The following CEP170 variants were observed in gnomAD, a reference collection of about 807,000 sequenced individuals.
The protein encoded by CEP170 is centrosomal protein of 170 kDa.
In CEP170, 21 loss-of-function variants were observed where a neutral mutation model predicts 151.9. The observed-to-expected ratio is 0.14, with a 90% CI of 0.10 to 0.20. The LOEUF (loss-of-function observed/expected upper bound fraction) is 0.20. Among genes scored for constraint, CEP170 ranks in the 10% least tolerant of loss-of-function variants. The pLI is 1.00. For missense variants in CEP170, 964 were observed against 1,892.9 expected (o/e 0.51, Z 9.11); for synonymous variants, 356 against 648.8 (o/e 0.55, Z 6.86).
chr1:243,246,226 C>CA (rs2065380427), intron 1 of CEP170, among the ~76,000 whole-genome samples: 1 of 109,452 alleles, frequency 9.1e-6, no homozygotes, highest in Admixed American at 9.5e-5. Context: ...GTGTTGTTTA[C>CA]TTTTTTTTTT....
chr1:243,162,425 AT>A (rs1485040500), intron 13 of CEP170, among the ~76,000 whole-genome samples: 1 of 152,216 alleles, frequency 6.6e-6, no homozygotes, highest in East Asian at 1.9e-4. Flanking sequence ...GATTCTAATT[AT>A]TTAATATACT....
intron 14 of CEP170, 90 bp from the exon 15 acceptor site, chr1:243,142,553 G>A: frequency 1.5e-6 from 2 of 1,365,126 alleles, no homozygotes. Context: ...CATGTAAGTT[G>A]TATATCTAAT....
chr1:243,163,649 G>A (rs755605455), intron 13 of CEP170, among the ~76,000 whole-genome samples: 20 of 152,148 alleles, frequency 1.3e-4, no homozygotes, highest in Non-Finnish European at 2.4e-4. Flanking sequence ...GCCAATATAC[G>A]CTGAGTGATT....
At chr1:243,171,684 A>G (rs538559797) in intron 11 of CEP170, among the ~76,000 whole-genome samples, 45 of 152,266 alleles carry the variant, frequency 3.0e-4, no homozygotes, top group African/African-American at 1.1e-3. Flanking sequence ...TGAAATTCTA[A>G]TATCATTTCT....
At chr1:243,195,980 T>C (rs1316994284) in intron 7 of CEP170, among the ~76,000 whole-genome samples, 1 of 151,974 alleles carries the variant, frequency 6.6e-6, no homozygotes, top group African/African-American at 2.4e-5. Flanking sequence ...GAATTATTAC[T>C]CAAAAAGAAC....
chr1:243,205,438 G>C (rs1024541568), intron 4 of CEP170, among the ~76,000 whole-genome samples: 1 of 152,154 alleles, frequency 6.6e-6, no homozygotes, highest in Non-Finnish European at 1.5e-5. Context: ...ACTCTGCAGC[G>C]GTAGAGCAAA....
chr1:243,152,521 ATTT>A (rs371392454), intron 14 of CEP170, among the ~76,000 whole-genome samples: 1 of 54,954 alleles, frequency 1.8e-5, no homozygotes, highest in Non-Finnish European at 3.1e-5. Flanking sequence ...GCGCCCAGCC[ATTT>A]TTTTTTTTTT....
At chr1:243,137,797 A>G (rs2055303285) in intron 16 of CEP170, among the ~76,000 whole-genome samples, 2 of 151,214 alleles carry the variant, frequency 1.3e-5, no homozygotes, top group Non-Finnish European at 2.9e-5. Context: ...AAAAAAAAAA[A>G]GAATTCTAAT....
At chr1:243,243,817 C>T (rs1021853694) in intron 1 of CEP170, among the ~76,000 whole-genome samples, 6 of 152,096 alleles carry the variant, frequency 3.9e-5, no homozygotes, top group Non-Finnish European at 7.4e-5. Flanking sequence ...GGAGCCACCA[C>T]GCCCGTCCAT....
chr1:243,145,104 G>C (rs1481288351), intron 14 of CEP170, among the ~76,000 whole-genome samples: 1 of 152,002 alleles, frequency 6.6e-6, no homozygotes, highest in Non-Finnish European at 1.5e-5. Flanking sequence ...GGGTATATTG[G>C]AAGATTAAAG....
At chr1:243,209,634 C>A (rs918084095) in intron 4 of CEP170, among the ~76,000 whole-genome samples, 2 of 151,762 alleles carry the variant, frequency 1.3e-5, no homozygotes, top group Admixed American at 1.3e-4. Flanking sequence ...ATATATAAAA[C>A]CTGCTTTTAA....
At chr1:243,251,662 T>A (rs1390877911) in intron 1 of CEP170, among the ~76,000 whole-genome samples, 1 of 152,178 alleles carries the variant, frequency 6.6e-6, no homozygotes, top group Non-Finnish European at 1.5e-5. Flanking sequence ...ATTTATTACT[T>A]ATGGATATAC....
chr1:243,149,170 T>C (rs1041800633), intron 14 of CEP170, among the ~76,000 whole-genome samples: 12 of 152,170 alleles, frequency 7.9e-5, no homozygotes, highest in Non-Finnish European at 1.5e-4. Context: ...AGAAAGATTC[T>C]AGTCTCGAAA....
intron 14 of CEP170, among the ~76,000 whole-genome samples, chr1:243,147,602 A>C (rs2056647344): frequency 1.3e-5 from 2 of 152,218 alleles, no homozygotes; most frequent in South Asian, 4.1e-4. Flanking sequence ...GCAGGTGTGA[A>C]TATAAACAAG....
At chr1:243,205,707 A>C (rs1272067510) in intron 4 of CEP170, among the ~76,000 whole-genome samples, 6 of 152,210 alleles carry the variant, frequency 3.9e-5, no homozygotes, top group Non-Finnish European at 2.9e-5. Context: ...TATAAATACT[A>C]AAATATGCAT....
rs191361706 is a variant in CEP170 at position 243,174,037 on chromosome 1, C to T, written c.1567-1191G>A. 1.8e-4 allele frequency among the ~76,000 whole-genome samples: 28 copies of T among 152,222 alleles called. No individual in the cohort carries two copies. In the East Asian group the frequency reaches 5.2e-3, roughly 28 times the overall value. On this transcript the variant is annotated intron_variant, in intron 10 of 19. Coordinates refer to ENST00000366542, the MANE Select transcript of CEP170 (RefSeq NM_014812.3). ...ATTTGCCTAACAATCCCTTAAAGAC[C>T]TTTGTTTGAAATGCAGATTCCAGGC...
chr1:243,214,985 CAGA>C (rs1254666091), intron 3 of CEP170, among the ~76,000 whole-genome samples: 1 of 152,148 alleles, frequency 6.6e-6, no homozygotes, highest in East Asian at 1.9e-4. Context: ...GAAGCCATGG[CAGA>C]AGAACATAAA....
intron 14 of CEP170, among the ~76,000 whole-genome samples, chr1:243,152,336 C>T (rs1021963812): frequency 4.0e-5 from 6 of 151,394 alleles, no homozygotes; most frequent in Non-Finnish European, 4.4e-5. Flanking sequence ...ATTCTCTTGC[C>T]TCAGCCTCCA....
At chr1:243,228,418 T>C (rs1052463350) in intron 1 of CEP170, among the ~76,000 whole-genome samples, 2 of 152,242 alleles carry the variant, frequency 1.3e-5, no homozygotes, top group Non-Finnish European at 2.9e-5. Context: ...ATCTGTCTAC[T>C]TTGTCAATTT....
Sources: gnomAD v4.1 joint callset for allele counts (sites outside exome capture counted in the v4.1 genomes callset) on GRCh38, gnomAD v4.1.1 for gene constraint, MANE v1.5 for transcripts, NCBI Gene and HGNC (gene_info 2026-07-23, HGNC 2026-07-21) for gene names.